The following PPEF1 variants were observed in gnomAD, a reference collection of about 807,000 sequenced individuals.
PPEF1 encodes the protein protein phosphatase with EF-hand domain 1, also known as serine/threonine-protein phosphatase with EF-hands 1.
Under a neutral mutation model 53.3 loss-of-function variants are expected in PPEF1, and 12 were observed. That is an observed-to-expected ratio of 0.23 (90% CI 0.14 to 0.36). PPEF1 has a LOEUF of 0.36. PPEF1 is among the 10% of genes least tolerant of loss of function. The pLI, the probability that PPEF1 is intolerant of heterozygous loss-of-function variation, is 1.00. For missense variants in PPEF1, 334 were observed against 490.4 expected (o/e 0.68, Z 3.01); for synonymous variants, 165 against 176.7 (o/e 0.93, Z 0.52).
chrX:18,773,358 G>A (rs757464022), intron 6 of PPEF1, among the ~76,000 whole-genome samples: 8 of 110,966 alleles, frequency 7.2e-5, no homozygotes, highest in Non-Finnish European at 1.3e-4. Flanking sequence ...TACTTTGCCC[G>A]GTATTAATAT....
upstream of PPEF1, among the ~76,000 whole-genome samples, chrX:18,675,468 G>A (rs1471580712): frequency 1.8e-5 from 2 of 113,535 alleles, no homozygotes; most frequent in African/African-American, 3.2e-5. Flanking sequence ...TGGTTAGCGG[G>A]CCCTTTGCCC....
chrX:18,757,368 C>T (rs1381838882), intron 4 of PPEF1, among the ~76,000 whole-genome samples: 2 of 110,179 alleles, frequency 1.8e-5, no homozygotes, highest in Non-Finnish European at 3.8e-5. Context: ...TTCCCTAGGG[C>T]AAGGGCGTGC....
upstream of PPEF1, among the ~76,000 whole-genome samples, chrX:18,679,963 C>T (rs1462063691): frequency 2.7e-5 from 3 of 109,479 alleles, no homozygotes; most frequent in Non-Finnish European, 5.7e-5. Flanking sequence ...GTGGCATGCA[C>T]GTGTAATCCC....
intron 2 of PPEF1, among the ~76,000 whole-genome samples, chrX:18,731,927 G>A (rs767530339): frequency 4.4e-4 from 49 of 111,565 alleles, no homozygotes; most frequent in Admixed American, 7.6e-4. Flanking sequence ...TCGCTCTGTC[G>A]CTGGGCTGGA....
chrX:18,702,614 G>A (rs371016591), intron 6 of PPEF1, among the ~76,000 whole-genome samples: 1 of 108,064 alleles, frequency 9.3e-6, no homozygotes, highest in Non-Finnish European at 1.9e-5. Context: ...TTGTCCCCAC[G>A]GCCTGTCTTT....
At chrX:18,777,222 G>C (rs2045984288) in intron 6 of PPEF1, among the ~76,000 whole-genome samples, 1 of 111,997 alleles carries the variant, frequency 8.9e-6, no homozygotes, top group South Asian at 3.7e-4. Context: ...TTATTTGTTT[G>C]TTTGAAATTG....
intron 13 of PPEF1, among the ~76,000 whole-genome samples, chrX:18,819,785 G>C (rs1273708186): frequency 8.9e-6 from 1 of 111,911 alleles, no homozygotes; most frequent in African/African-American, 3.2e-5. Context: ...GAATGTAAGA[G>C]ACCATATATT....
intron 1 of PPEF1, among the ~76,000 whole-genome samples, chrX:18,708,145 C>T (rs1685023064): frequency 4.4e-5 from 5 of 112,546 alleles, no homozygotes; most frequent in Admixed American, 3.8e-4. Flanking sequence ...TTCTTCAATA[C>T]TTTTATAAAT....
At chrX:18,728,918 C>G (rs1033465904) in intron 1 of PPEF1, among the ~76,000 whole-genome samples, 10 of 111,798 alleles carry the variant, frequency 8.9e-5, no homozygotes, top group African/African-American at 3.3e-4. Flanking sequence ...AAGGAGCCAG[C>G]TGGTGTTGAT....
In PPEF1 at chrX:18,827,757, C is replaced by T. The variant is rs892247281; in HGVS notation, c.*270C>T. The T allele has an allele frequency of 1.4e-5, 4 of 292,279 alleles. No homozygotes were observed. The highest frequency in any genetic ancestry group is 7.9e-5 in the African/African-American group (3 of 37,990). 24.1% of individuals were successfully genotyped at this position (292,279 alleles called of 1,213,427 possible). A position where few individuals can be genotyped will look rare whatever the true frequency, so the allele number is the denominator to read the frequency against. Reference sequence around the variant, plus strand: ...ACTGGGTTGGACCTAGTGGTGTTGTCGTGAGTGCCACCTAACCAGGAGGCC... The same window carrying T: ...ACTGGGTTGGACCTAGTGGTGTTGTTGTGAGTGCCACCTAACCAGGAGGCC... On this transcript the variant is annotated 3_prime_UTR_variant, in exon 16 of 16. Coordinates refer to ENST00000470157, the MANE Select transcript of PPEF1 (RefSeq NM_001377996.1).
intron 12 of PPEF1, among the ~76,000 whole-genome samples, chrX:18,813,332 T>A (rs1226405108): frequency 1.1e-5 from 1 of 91,030 alleles, no homozygotes; most frequent in Non-Finnish European, 2.0e-5. Context: ...TGAGCCAACA[T>A]CACGCCACTG....
chrX:18,723,916 A>T lies in PPEF1; in HGVS notation c.47-6265A>T, dbSNP rs747473739. Among the ~76,000 whole-genome samples, 189 of 110,058 alleles carry T rather than the reference A, an allele frequency of 1.7e-3. 1 individual carries two copies. The highest frequency in any genetic ancestry group is 5.7e-3 in the African/African-American group (172 of 30,188). On this transcript the variant is annotated intron_variant, in intron 1 of 15. Coordinates refer to ENST00000470157, the MANE Select transcript of PPEF1 (RefSeq NM_001377996.1). ...TGCCTTGTGCCTCAGCCTCCCAAGT[A>T]GCTGGGATTACAGGCATGCACCACC...
chrX:18,786,000 A>G (rs1393266719), intron 9 of PPEF1, among the ~76,000 whole-genome samples: 1 of 112,425 alleles, frequency 8.9e-6, no homozygotes, highest in African/African-American at 3.2e-5. Context: ...TATAATAGTC[A>G]TTATTAACAT....
At chrX:18,752,369 G>A (rs1845571580) in intron 4 of PPEF1, among the ~76,000 whole-genome samples, 1 of 111,362 alleles carries the variant, frequency 9.0e-6, no homozygotes, top group Admixed American at 9.6e-5. Context: ...TAGTTTGTGT[G>A]TGTGTGTGTG....
In PPEF1 at chrX:18,725,315, G is replaced by A. The variant is rs189246661; in HGVS notation, c.47-4866G>A. 2.4e-3 allele frequency among the ~76,000 whole-genome samples: 266 copies of A among 111,620 alleles called. 2 individuals are homozygous for A. Among genetic ancestry groups the A allele is most frequent in the African/African-American group, 8.0e-3 (247 of 30,744 alleles). On this transcript the variant is annotated intron_variant, in intron 1 of 15. Transcript: ENST00000470157. ...AAAGGGAAAAGGGTGGAATTATTCCGGTTGAGAAACTTGCAAGGAGGGTCC... is the reference window on the plus strand; with the variant it reads ...AAAGGGAAAAGGGTGGAATTATTCCAGTTGAGAAACTTGCAAGGAGGGTCC...
Position 18,749,932 on chromosome X carries a change from G to A in PPEF1, c.376G>A (p.Glu126Lys), listed in dbSNP as rs1465108985. Reference sequence around the variant, plus strand: ...TTGTACGGATATTGATTTACTTCTTGAGGCCTTCAAGGAACAACAGGTAAG... The same window carrying A: ...TTGTACGGATATTGATTTACTTCTTAAGGCCTTCAAGGAACAACAGGTAAG... ...LTCTDIDLLL[E>K]AFKEQQILHA... The change falls in exon 4 of 16, where the codon GAG becomes AAG. Residue 126 changes from glutamate to lysine, a missense_variant. Physicochemically the swap from Glu to Lys is moderately conservative, Grantham distance 56. Transcript: ENST00000470157. The A allele has an allele frequency of 1.7e-6, 2 of 1,203,442 alleles. No individual in the cohort carries two copies. Among genetic ancestry groups the A allele is most frequent in the Non-Finnish European group, 2.2e-6 (2 of 890,372 alleles).
chrX:18,711,972 C>CT (rs2044340670), intron 1 of PPEF1, among the ~76,000 whole-genome samples: 1 of 111,359 alleles, frequency 9.0e-6, no homozygotes, highest in South Asian at 3.8e-4. Flanking sequence ...CCAGGCTGGT[C>CT]TGAACTCCTG....
chrX:18,784,165 T>C, intron 9 of PPEF1, 117 bp downstream of exon 9: 1 of 641,806 alleles, frequency 1.6e-6, no homozygotes, highest in Non-Finnish European at 2.2e-6. Flanking sequence ...AAAAAGATTA[T>C]AGATTTTATT....
At chrX:18,789,417 C>G in intron 10 of PPEF1, 144 bp downstream of exon 10, 2 of 561,067 alleles carry the variant, frequency 3.6e-6, no homozygotes. Flanking sequence ...TTTTTAACAG[C>G]TTTATTGAGA....
Sources: gnomAD v4.1 joint callset for allele counts (sites outside exome capture counted in the v4.1 genomes callset) on GRCh38, gnomAD v4.1.1 for gene constraint, MANE v1.5 for transcripts, NCBI Gene and HGNC (gene_info 2026-07-23, HGNC 2026-07-21) for gene names.